The following ST3GAL2 variants were observed in gnomAD, a reference collection of about 807,000 sequenced individuals.
The protein encoded by ST3GAL2 is ST3 beta-galactoside alpha-2,3-sialyltransferase 2, also known as CMP-N-acetylneuraminate-beta-galactosamide-alpha-2,3-sialyltransferase 2.
In ST3GAL2, 16 loss-of-function variants were observed where a neutral mutation model predicts 37.5. The observed-to-expected ratio is 0.43, with a 90% CI of 0.29 to 0.65. ST3GAL2 has a LOEUF of 0.65. Ranked by LOEUF, ST3GAL2 falls within the 30% of genes least tolerant of loss-of-function variation. The probability of loss-of-function intolerance (pLI) is 0.17; values close to 1 mark genes in which losing one functional copy is unlikely to be tolerated. For missense variants in ST3GAL2, 383 were observed against 487.8 expected (o/e 0.79, Z 2.02); for synonymous variants, 238 against 202.9 (o/e 1.17, Z -1.47).
At chr16:70,419,218 G>C (rs2047697070) in intron 1 of ST3GAL2, among the ~76,000 whole-genome samples, 1 of 152,246 alleles carries the variant, frequency 6.6e-6, no homozygotes, top group Non-Finnish European at 1.5e-5. Flanking sequence ...GTGCCTGCAA[G>C]TCCCACCCAT....
intron 1 of ST3GAL2, among the ~76,000 whole-genome samples, chr16:70,403,188 T>G: frequency 6.6e-6 from 1 of 150,898 alleles, no homozygotes; most frequent in African/African-American, 2.4e-5. Flanking sequence ...GCTTAACTAG[T>G]AGGGTAGTTG....
At chr16:70,414,727 C>A (rs144584470) in intron 1 of ST3GAL2, among the ~76,000 whole-genome samples, 1 of 152,250 alleles carries the variant, frequency 6.6e-6, no homozygotes, top group Admixed American at 6.5e-5. Context: ...GGCTGTAGTG[C>A]GGTAGTGTGA....
At chr16:70,406,843 G>A (rs992124656) in intron 1 of ST3GAL2, among the ~76,000 whole-genome samples, 4 of 152,036 alleles carry the variant, frequency 2.6e-5, no homozygotes, top group Non-Finnish European at 4.4e-5. Context: ...GCTGAGAGAT[G>A]GTCTAGAATG....
intron 3 of ST3GAL2, among the ~76,000 whole-genome samples, chr16:70,393,267 AG>A (rs1041183289): frequency 5.9e-5 from 9 of 152,044 alleles, no homozygotes; most frequent in African/African-American, 2.2e-4. Context: ...TAGTAGAGAC[AG>A]GGTTTCACAA....
intron 2 of ST3GAL2, among the ~76,000 whole-genome samples, chr16:70,396,659 C>T (rs902502014): frequency 1.3e-5 from 2 of 152,206 alleles, no homozygotes; most frequent in African/African-American, 2.4e-5. Flanking sequence ...CCCTGGTCCT[C>T]GGGCACTCTT....
intron 1 of ST3GAL2, chr16:70,400,374 G>C (rs1378875762): frequency 6.6e-6 from 1 of 152,610 alleles, no homozygotes; most frequent in African/African-American, 2.4e-5. Flanking sequence ...AGCACTGGCT[G>C]TGTGCCGTGG....
In ST3GAL2 at chr16:70,380,699, CCAAAGAA is replaced by C. The variant is rs1180607016; in HGVS notation, c.*983_*989del. 2 of 152,428 alleles carry C rather than the reference CCAAAGAA, an allele frequency of 1.3e-5. No homozygotes were observed. Among genetic ancestry groups the C allele is most frequent in the Admixed American group, 6.5e-5 (1 of 15,280 alleles). The allele number at this position is 152,428 out of a possible 1,614,324, so 9.4% of individuals were successfully genotyped here. On this transcript the variant is annotated 3_prime_UTR_variant, in exon 7 of 7. Coordinates refer to ENST00000342907, the MANE Select transcript of ST3GAL2 (RefSeq NM_006927.4). ...GCCACCCACGGCAGCTTCAGCTTAACCAAAGAATGAGCCCCAGGCAAAGTTACCCCCA... is the reference window on the plus strand; with the variant it reads ...GCCACCCACGGCAGCTTCAGCTTAACTGAGCCCCAGGCAAAGTTACCCCCA...
intron 1 of ST3GAL2, among the ~76,000 whole-genome samples, chr16:70,412,543 C>A (rs2047646409): frequency 6.6e-6 from 1 of 152,104 alleles, no homozygotes; most frequent in Non-Finnish European, 1.5e-5. Flanking sequence ...ACTCAGGAGG[C>A]TGAGGTGGGA....
At chr16:70,395,278 G>A in intron 2 of ST3GAL2, 103 bp from the exon 3 acceptor site, 7 of 1,084,632 alleles carry the variant, frequency 6.5e-6, no homozygotes, top group Non-Finnish European at 6.6e-6. Context: ...CTGTGTCTGG[G>A]CACAGGCCTC....
At chr16:70,400,634 A>G (rs1222245643) in intron 1 of ST3GAL2, 1 of 152,336 alleles carries the variant, frequency 6.6e-6, no homozygotes, top group East Asian at 1.9e-4. Flanking sequence ...TGGAACGAGC[A>G]TATTGCAGTA....
chr16:70,427,338 CTTTT>C (rs561028894), intron 1 of ST3GAL2, among the ~76,000 whole-genome samples: 3 of 132,964 alleles, frequency 2.3e-5, no homozygotes, highest in Non-Finnish European at 3.2e-5. Flanking sequence ...ACCCAGTCTT[CTTTT>C]TTTTTTTTTT....
chr16:70,406,070 A>C (rs1390891898), intron 1 of ST3GAL2, among the ~76,000 whole-genome samples: 1 of 151,852 alleles, frequency 6.6e-6, no homozygotes, highest in African/African-American at 2.4e-5. Context: ...CAAAAAAAAA[A>C]AAAGCCACTG....
chr16:70,387,424 A>G lies in ST3GAL2; in HGVS notation c.713+943T>C, dbSNP rs1048477813. On this transcript the variant is annotated intron_variant, in intron 4 of 6. Coordinates refer to ENST00000342907, the MANE Select transcript of ST3GAL2 (RefSeq NM_006927.4). Reference sequence around the variant, plus strand: ...ACAAAAATTAGCCAGGCATGGTGACATGTGCCTGTAATCCCAGCTACTCGG... The same window carrying G: ...ACAAAAATTAGCCAGGCATGGTGACGTGTGCCTGTAATCCCAGCTACTCGG... Among the ~76,000 whole-genome samples the G allele has an allele frequency of 9.9e-5, 15 of 151,996 alleles. 1 individual carries two copies. Among genetic ancestry groups the G allele is most frequent in the Non-Finnish European group, 1.5e-5 (1 of 68,010 alleles).
At chr16:70,384,322 C>T (rs558226524) in intron 4 of ST3GAL2, among the ~76,000 whole-genome samples, 5 of 152,272 alleles carry the variant, frequency 3.3e-5, no homozygotes, top group Admixed American at 6.5e-5. Context: ...TGCTACAACA[C>T]GGATGAACTA....
At chr16:70,428,287 G>A (rs921359911) in intron 1 of ST3GAL2, among the ~76,000 whole-genome samples, 1 of 152,232 alleles carries the variant, frequency 6.6e-6, no homozygotes, top group African/African-American at 2.4e-5. Context: ...CAGGGGCTGT[G>A]TATTTCAGGA....
intron 1 of ST3GAL2, among the ~76,000 whole-genome samples, chr16:70,402,339 A>G (rs1276082849): frequency 6.6e-6 from 1 of 151,804 alleles, no homozygotes; most frequent in South Asian, 2.1e-4. Flanking sequence ...ATTTTGTACC[A>G]TATAGTAAAA....
rs2047593506 is a variant in ST3GAL2 at position 70,406,566 on chromosome 16, G to A, written c.-1003-7033C>T. Among the ~76,000 whole-genome samples, 6 of 151,988 alleles carry A rather than the reference G, an allele frequency of 3.9e-5. No homozygotes were observed. In the South Asian group the frequency reaches 1.2e-3, roughly 32 times the overall value. ...GGATGCCGAGGGTGGCGGATCTCCTGAGGTTAGGAGTTTGAGACCAGCTTG... is the reference window on the plus strand; with the variant it reads ...GGATGCCGAGGGTGGCGGATCTCCTAAGGTTAGGAGTTTGAGACCAGCTTG... On this transcript the variant is annotated intron_variant, in intron 1 of 6. Transcript: ENST00000342907.
At position 70,380,581 on chromosome 16, in the gene ST3GAL2, C is replaced by G. The variant is rs1404977868; in HGVS notation, c.*1108G>C. 2 of 152,350 alleles carry G rather than the reference C, an allele frequency of 1.3e-5. No individual in the cohort carries two copies. Among genetic ancestry groups the G allele is most frequent in the East Asian group, 3.8e-4 (2 of 5,202 alleles). 9.4% of individuals were successfully genotyped at this position (152,350 alleles called of 1,614,324 possible). ...CGGGAGATGGAGAGCAGGGTGGAGG[C>G]AGGCGGCTTGCGGCGCGCAAGTCTC... is the stretch of plus-strand genomic sequence containing the variant. On this transcript the variant is annotated 3_prime_UTR_variant, in exon 7 of 7. Transcript: ENST00000342907.
intron 1 of ST3GAL2, among the ~76,000 whole-genome samples, chr16:70,431,673 A>AG (rs1243595315): frequency 6.6e-6 from 1 of 151,868 alleles, no homozygotes; most frequent in East Asian, 1.9e-4. Context: ...AAAAAAAAAA[A>AG]AAAAAATTGG....
Sources: allele counts gnomAD v4.1 joint callset (sites outside exome capture counted in the v4.1 genomes callset), GRCh38; gene constraint gnomAD v4.1.1; transcripts MANE v1.5; gene names NCBI Gene and HGNC (gene_info 2026-07-23, HGNC 2026-07-21).